The following TANC1 variants were observed in gnomAD, a reference collection of about 807,000 sequenced individuals.
TANC1 encodes tetratricopeptide repeat, ankyrin repeat and coiled-coil containing 1.
A neutral mutation model predicts 149.7 loss-of-function variants in TANC1; 77 were observed. The ratio of observed to expected loss-of-function variants is 0.51; its 90% CI spans 0.43 to 0.62. The LOEUF (loss-of-function observed/expected upper bound fraction) is 0.62, where lower values mean the gene tolerates loss of function less well. TANC1 is among the 20% of genes least tolerant of loss of function. The pLI is 0.00. For missense variants in TANC1, 1,985 were observed against 2,321.8 expected (o/e 0.85, Z 2.98); for synonymous variants, 854 against 925.0 (o/e 0.92, Z 1.39).
chr2:158,991,527 G>A (rs2035624937), intron 1 of TANC1, among the ~76,000 whole-genome samples: 1 of 152,114 alleles, frequency 6.6e-6, no homozygotes. Flanking sequence ...GCCGAGGTGG[G>A]TGGATCACGA....
At chr2:159,058,874 G>A (rs372161430) in intron 2 of TANC1, among the ~76,000 whole-genome samples, 5 of 152,174 alleles carry the variant, frequency 3.3e-5, no homozygotes, top group East Asian at 1.9e-4. Context: ...CAACCTGTAT[G>A]AATGTACAGA....
At chr2:159,120,485 C>T (rs1243361324) in intron 4 of TANC1, among the ~76,000 whole-genome samples, 3 of 151,812 alleles carry the variant, frequency 2.0e-5, no homozygotes, top group Non-Finnish European at 4.4e-5. Context: ...ATTTTATGTA[C>T]AAATGATATG....
At chr2:159,167,717 T>C (rs2054744957) in intron 8 of TANC1, among the ~76,000 whole-genome samples, 2 of 152,110 alleles carry the variant, frequency 1.3e-5, no homozygotes, top group Admixed American at 1.3e-4. Flanking sequence ...CTTTGGAGGA[T>C]GCAGCGAGAG....
intron 7 of TANC1, among the ~76,000 whole-genome samples, chr2:159,158,209 G>A (rs191134172): frequency 6.6e-6 from 1 of 152,098 alleles, no homozygotes; most frequent in East Asian, 1.9e-4. Flanking sequence ...ACTTAAAAAT[G>A]AGCCAGGGGT....
intron 2 of TANC1, among the ~76,000 whole-genome samples, chr2:159,006,461 CTT>C (rs1201899774): frequency 6.6e-6 from 1 of 152,144 alleles, no homozygotes; most frequent in Non-Finnish European, 1.5e-5. Flanking sequence ...GTACAGTAGT[CTT>C]TAAACATTTT....
At position 159,130,251 on chromosome 2, in the gene TANC1, AATT is replaced by A. The variant is rs140965814; in HGVS notation, c.260-5937_260-5935del. Among the ~76,000 whole-genome samples the A allele has an allele frequency of 2.2e-3, 329 of 152,334 alleles. 2 individuals carry two copies. Among genetic ancestry groups the A allele is most frequent in the African/African-American group, 7.7e-3 (319 of 41,580 alleles). On this transcript the variant is annotated intron_variant, in intron 4 of 26. Transcript: ENST00000263635. ...AGCTGGAATATCATGCTTTCTGGGT[AATT>A]ATTATGTAGTATTACATTCTGGTTA...
At chr2:159,068,852 G>T (rs1168350878) in intron 3 of TANC1, among the ~76,000 whole-genome samples, 1 of 152,102 alleles carries the variant, frequency 6.6e-6, no homozygotes, top group African/African-American at 2.4e-5. Context: ...CAATTCTCCT[G>T]CCTCAGCCTC....
Position 159,172,128 on chromosome 2 carries a change from C to A in TANC1, c.1359C>A (p.Asp453Glu). The A allele has an allele frequency of 6.2e-7, 1 of 1,614,112 alleles. No individual in the cohort carries two copies. The highest frequency in any genetic ancestry group is 8.5e-7 in the Non-Finnish European group (1 of 1,179,984). Residue 453 changes from aspartate to glutamate, a missense_variant, in exon 11 of 27, where the codon GAC becomes GAA. Coordinates refer to ENST00000263635, the MANE Select transcript of TANC1 (RefSeq NM_033394.3). Reference protein sequence around the residue: ...NSPGSSPKTSDPTQDLHFTPL... With the variant: ...NSPGSSPKTSEPTQDLHFTPL... ...ATGGGTCTTTCTCTGCAGCCTCTGACCCCACTCAGGATCTTCATTTCACTC... is the reference window on the plus strand; with the variant it reads ...ATGGGTCTTTCTCTGCAGCCTCTGAACCCACTCAGGATCTTCATTTCACTC...
At chr2:159,129,681 G>A (rs903552513) in intron 4 of TANC1, among the ~76,000 whole-genome samples, 5 of 152,060 alleles carry the variant, frequency 3.3e-5, no homozygotes, top group Non-Finnish European at 4.4e-5. Context: ...ATAACTTTGA[G>A]ATCCACCTTC....
chr2:159,217,995 T>C (rs1021697730), intron 20 of TANC1, among the ~76,000 whole-genome samples: 1 of 152,240 alleles, frequency 6.6e-6, no homozygotes, highest in African/African-American at 2.4e-5. Flanking sequence ...GAAGAGCAGT[T>C]CTTTTGTGCT....
At chr2:159,009,143 C>T (rs772815357) in intron 2 of TANC1, among the ~76,000 whole-genome samples, 21 of 152,090 alleles carry the variant, frequency 1.4e-4, no homozygotes, top group African/African-American at 2.2e-4. Flanking sequence ...GTGTTTAAAA[C>T]TATGTACGTT....
intron 4 of TANC1, among the ~76,000 whole-genome samples, chr2:159,102,247 G>A (rs1240110487): frequency 6.6e-6 from 1 of 151,986 alleles, no homozygotes; most frequent in Non-Finnish European, 1.5e-5. Flanking sequence ...ACCACATTAT[G>A]TAACCCTCTT....
intron 3 of TANC1, among the ~76,000 whole-genome samples, chr2:159,080,534 C>T (rs750779659): frequency 1.3e-5 from 2 of 152,164 alleles, no homozygotes; most frequent in Non-Finnish European, 2.9e-5. Context: ...TTGATGACCC[C>T]AGCTCAGTAA....
chr2:159,191,196 G>T (rs1255197736), intron 16 of TANC1, among the ~76,000 whole-genome samples: 2 of 152,198 alleles, frequency 1.3e-5, no homozygotes, highest in Non-Finnish European at 2.9e-5. Context: ...CACATGGCCT[G>T]TTCTTCCTTA....
chr2:159,147,703 A>C (rs2052299538), intron 5 of TANC1: 1 of 152,286 alleles, frequency 6.6e-6, no homozygotes, highest in African/African-American at 2.4e-5. Context: ...AACCCAGAAT[A>C]GTCAAGCCTT....
chr2:159,133,504 G>A lies in TANC1; in HGVS notation c.260-2690G>A, dbSNP rs931232523. Among the ~76,000 whole-genome samples the A allele has an allele frequency of 2.6e-5, 4 of 151,900 alleles. No individual in the cohort carries two copies. In the East Asian group the frequency reaches 5.8e-4, roughly 22 times the overall value. On this transcript the variant is annotated intron_variant, in intron 4 of 26. Transcript: ENST00000263635. ...TGAGTAGCTGGGACTACAGGCAAAC[G>A]CCACCACACCCAGCTAATTGATTCC...
At chr2:159,040,117 G>A (rs1027748835) in intron 2 of TANC1, among the ~76,000 whole-genome samples, 19 of 152,142 alleles carry the variant, frequency 1.2e-4, no homozygotes, top group African/African-American at 4.6e-4. Flanking sequence ...GGCCTTCGTT[G>A]TCTCTTTTGA....
intron 4 of TANC1, among the ~76,000 whole-genome samples, chr2:159,132,352 G>C (rs542808961): frequency 2.0e-4 from 30 of 152,160 alleles, no homozygotes; most frequent in Non-Finnish European, 3.7e-4. Context: ...TGGGAACCAG[G>C]TGGGCCTGGT....
In TANC1 at chr2:159,178,759, C is replaced by T; in HGVS notation, c.2106C>T (p.Gly702=). 1 of 1,614,174 alleles carries T rather than the reference C, an allele frequency of 6.2e-7. No homozygotes were observed. Among genetic ancestry groups the T allele is most frequent in the South Asian group, 1.1e-5 (1 of 91,086 alleles). ...VSSHLVLRSL[G]SYLYLKLTLD... ...GCCACCTGGTGCTGCGGAGCCTCGG[C>T]TCCTACCTGTACCTCAAGCTCACCC... Residue 702 remains glycine (G), a synonymous_variant, in exon 14 of 27, where the codon GGC becomes GGT. Transcript: ENST00000263635.
Sources: gnomAD v4.1 joint callset for allele counts (sites outside exome capture counted in the v4.1 genomes callset) on GRCh38, gnomAD v4.1.1 for gene constraint, MANE v1.5 for transcripts, NCBI Gene and HGNC (gene_info 2026-07-23, HGNC 2026-07-21) for gene names.